Variants in CNTLN observed in about 807,000 individuals in gnomAD.
CNTLN encodes centlein, centrosomal protein.
A neutral mutation model predicts 180.0 loss-of-function variants in CNTLN; 212 were observed. The observed-to-expected ratio is 1.18, with a 90% CI of 1.05 to 1.32. CNTLN has a LOEUF of 1.32. Ranked by LOEUF, CNTLN falls within the 40% of genes most tolerant of loss-of-function variation. The pLI, the probability that CNTLN is intolerant of heterozygous loss-of-function variation, is 0.00. For missense variants in CNTLN, 2,095 were observed against 1,610.9 expected, an observed-to-expected ratio of 1.30 and a Z score of -5.14; for synonymous variants, 722 against 563.1, an observed-to-expected ratio of 1.28 and a Z score of -3.99.
chr9:17,404,738 A>ATTTT (rs36050481), intron 15 of CNTLN, among the ~76,000 whole-genome samples: 1 of 135,440 alleles, frequency 7.4e-6, no homozygotes, highest in Admixed American at 7.6e-5. Flanking sequence ...TCTGAAACAA[A>ATTTT]TTTTTTTTTT....
intron 1 of CNTLN, among the ~76,000 whole-genome samples, chr9:17,142,664 A>T (rs1319157875): frequency 6.6e-6 from 1 of 152,146 alleles, no homozygotes; most frequent in Non-Finnish European, 1.5e-5. Context: ...GAGTGCACAG[A>T]TTCACTCGAG....
chr9:17,205,053 C>T (rs918081631), intron 2 of CNTLN, among the ~76,000 whole-genome samples: 15 of 152,140 alleles, frequency 9.9e-5, no homozygotes, highest in Non-Finnish European at 1.5e-4. Context: ...GCTCGATCAT[C>T]CCAGGTCGAC....
intron 3 of CNTLN, among the ~76,000 whole-genome samples, chr9:17,233,602 T>C (rs1377057681): frequency 1.3e-5 from 2 of 152,160 alleles, no homozygotes; most frequent in Non-Finnish European, 2.9e-5. Flanking sequence ...AGAGTGTTCA[T>C]AGCAGTATTG....
At chr9:17,268,629 G>T (rs530300624) in intron 5 of CNTLN, among the ~76,000 whole-genome samples, 2 of 152,270 alleles carry the variant, frequency 1.3e-5, no homozygotes, top group African/African-American at 2.4e-5. Context: ...TCTGTGCCCT[G>T]CCCCCAGAGG....
the CNTLN span, among the ~76,000 whole-genome samples, chr9:17,516,508 A>G: frequency 5.1e-4 from 77 of 152,314 alleles, no homozygotes; most frequent in East Asian, 0.011. Flanking sequence ...TGAAGAAGGA[A>G]CAGTTGTGCA....
At chr9:17,419,686 T>G (rs576840532) in intron 18 of CNTLN, among the ~76,000 whole-genome samples, 3 of 152,082 alleles carry the variant, frequency 2.0e-5, no homozygotes, top group Non-Finnish European at 4.4e-5. Flanking sequence ...AGAAATAACC[T>G]TATACCCTTC....
the CNTLN span, among the ~76,000 whole-genome samples, chr9:17,523,466 A>G: frequency 6.6e-6 from 1 of 152,024 alleles, no homozygotes; most frequent in African/African-American, 2.4e-5. Flanking sequence ...CGAGCTCCTG[A>G]CCTCAAGTGA....
chr9:17,400,726 G>GAAAC, intron 15 of CNTLN, among the ~76,000 whole-genome samples: 1 of 152,156 alleles, frequency 6.6e-6, no homozygotes, highest in South Asian at 2.1e-4. Context: ...TTGGCTATCT[G>GAAAC]AAACACCCCT....
At chr9:17,332,564 T>A in intron 9 of CNTLN, 41 bp from the exon 10 acceptor site, 2 of 1,551,462 alleles carry the variant, frequency 1.3e-6, no homozygotes, top group Non-Finnish European at 1.7e-6. Context: ...CATAATCCAG[T>A]GTTCCAACTA....
intron 12 of CNTLN, among the ~76,000 whole-genome samples, chr9:17,361,102 G>A (rs531553105): frequency 1.3e-5 from 2 of 151,934 alleles, no homozygotes; most frequent in Non-Finnish European, 2.9e-5. Flanking sequence ...GGGTACATGT[G>A]CACAACGTGC....
intron 3 of CNTLN, among the ~76,000 whole-genome samples, chr9:17,228,559 T>C (rs1160156675): frequency 6.6e-6 from 1 of 152,198 alleles, no homozygotes; most frequent in East Asian, 1.9e-4. Context: ...TTAAATCTCT[T>C]TGATGATTAG....
chr9:17,276,758 T>C (rs538332072), intron 6 of CNTLN, among the ~76,000 whole-genome samples: 172 of 152,278 alleles, frequency 1.1e-3, no homozygotes, highest in African/African-American at 4.0e-3. Flanking sequence ...TCCTCCTGTA[T>C]ACTTCAAATC....
chr9:17,351,353 G>A (rs1049988527), intron 12 of CNTLN, among the ~76,000 whole-genome samples: 5 of 152,130 alleles, frequency 3.3e-5, no homozygotes, highest in Admixed American at 6.5e-5. Flanking sequence ...ATCTAGCATA[G>A]AACCCTCTTT....
At chr9:17,271,166 C>A (rs940726566) in intron 5 of CNTLN, among the ~76,000 whole-genome samples, 1 of 152,004 alleles carries the variant, frequency 6.6e-6, no homozygotes, top group Non-Finnish European at 1.5e-5. Context: ...TAGCCTCGAT[C>A]TCCTGACCTC....
intron 5 of CNTLN, among the ~76,000 whole-genome samples, chr9:17,245,879 C>T (rs1198413968): frequency 1.3e-5 from 2 of 151,930 alleles, no homozygotes; most frequent in South Asian, 4.2e-4. Flanking sequence ...AGAATTTCTG[C>T]TTTATTCTTT....
At chr9:17,211,197 T>A (rs187020161) in intron 2 of CNTLN, among the ~76,000 whole-genome samples, 234 of 152,326 alleles carry the variant, frequency 1.5e-3, no homozygotes, top group African/African-American at 5.3e-3. Flanking sequence ...AGGTCTAACG[T>A]TTAAGTCTTT....
chr9:17,245,774 A>G (rs764997724), intron 5 of CNTLN, among the ~76,000 whole-genome samples: 1 of 151,592 alleles, frequency 6.6e-6, no homozygotes, highest in Non-Finnish European at 1.5e-5. Flanking sequence ...TTTTCAAACA[A>G]CCCGTCTTCA....
intron 23 of CNTLN, among the ~76,000 whole-genome samples, chr9:17,476,433 A>G (rs534534976): frequency 3.9e-5 from 6 of 152,120 alleles, no homozygotes; most frequent in Non-Finnish European, 7.4e-5. Flanking sequence ...AGCTAGAAAA[A>G]CTTAGTGAGG....
intron 5 of CNTLN, among the ~76,000 whole-genome samples, chr9:17,249,028 A>T (rs950401494): frequency 6.6e-6 from 1 of 151,812 alleles, no homozygotes; most frequent in African/African-American, 2.4e-5. Flanking sequence ...TTCTGCTTTG[A>T]TTCTCAATTG....
Sources: gnomAD v4.1 joint callset for allele counts (sites outside exome capture counted in the v4.1 genomes callset) on GRCh38, gnomAD v4.1.1 for gene constraint, MANE v1.5 for transcripts, NCBI Gene and HGNC (gene_info 2026-07-23, HGNC 2026-07-21) for gene names.